HTR3B: variants seen among roughly 807,000 people sequenced by gnomAD.
HTR3B encodes the protein 5-hydroxytryptamine receptor 3B, also known as 5-hydroxytryptamine (serotonin) receptor 3B, ionotropic.
HTR3B carries 44 observed loss-of-function variants against 42.8 expected under a neutral mutation model. The ratio of observed to expected loss-of-function variants is 1.03; its 90% CI spans 0.81 to 1.32. HTR3B has a LOEUF of 1.32. Among genes scored for constraint, HTR3B ranks in the 40% most tolerant of loss-of-function variants. The pLI is 0.00. For missense variants in HTR3B, 527 were observed against 536.5 expected (o/e 0.98, Z 0.17); for synonymous variants, 203 against 209.0 (o/e 0.97, Z 0.25).
At chr11:113,933,188 C>A in intron 6 of HTR3B, 95 bp downstream of exon 6, 1 of 1,205,392 alleles carries the variant, frequency 8.3e-7, no homozygotes, top group Non-Finnish European at 1.2e-6. Context: ...TGCATGTTCT[C>A]ATTCATTATC....
chr11:113,939,287 T>C (rs889618416), intron 6 of HTR3B, among the ~76,000 whole-genome samples: 2 of 152,242 alleles, frequency 1.3e-5, no homozygotes, highest in African/African-American at 4.8e-5. Context: ...TGCCTTCATT[T>C]ACTGTTGACA....
intron 2 of HTR3B, among the ~76,000 whole-genome samples, chr11:113,925,860 G>A (rs1004339528): frequency 6.6e-6 from 1 of 151,928 alleles, no homozygotes; most frequent in Non-Finnish European, 1.5e-5. Context: ...TTTTTAAATA[G>A]CAGGTTTTTT....
Position 113,919,887 on chromosome 11 carries a change from AT to A in HTR3B, c.213+10440del, listed in dbSNP as rs539909604. Among the ~76,000 whole-genome samples the A allele has an allele frequency of 2.0e-3, 308 of 151,786 alleles. 1 individual carries two copies. The highest frequency in any genetic ancestry group is 7.0e-3 in the African/African-American group (291 of 41,364). On this transcript the variant is annotated intron_variant, in intron 2 of 8. Coordinates refer to ENST00000260191, the MANE Select transcript of HTR3B (RefSeq NM_006028.5). ...ACAACAAAAAGAGTACAAGGTTTAA[AT>A]TTTTTTTCCTTTTTACTGATTCAGG...
chr11:113,901,248 C>A (rs7924997), upstream of HTR3B, among the ~76,000 whole-genome samples: 482 of 152,062 alleles, frequency 3.2e-3, 2 homozygotes, highest in African/African-American at 0.011. Context: ...TCAAGACCAG[C>A]CTGGGCAACA....
rs71063533 is a variant in HTR3B at position 113,913,350 on chromosome 11, A to AT, written c.213+3927dup. 6.7e-3 allele frequency among the ~76,000 whole-genome samples: 415 copies of AT among 61,522 alleles called. 15 individuals are homozygous for AT. Among genetic ancestry groups the AT allele is most frequent in the African/African-American group, 0.012 (172 of 13,944 alleles). 40.4% of individuals were successfully genotyped at this position (61,522 alleles called of 152,430 possible). On this transcript the variant is annotated intron_variant, in intron 2 of 8. Transcript: ENST00000260191. ...AGGTGCCTGCCACCATGTCTGGCTA[A>AT]TTTTTTTTTTTTTTTTTTTTTTTTT...
chr11:113,908,902 A>G (rs975775232), intron 1 of HTR3B: 13 of 244,962 alleles, frequency 5.3e-5, no homozygotes, highest in Middle Eastern at 1.2e-3. Flanking sequence ...TGAAAAATCA[A>G]AAGAAAAACC....
At chr11:113,940,789 C>T (rs924261667) in intron 6 of HTR3B, among the ~76,000 whole-genome samples, 16 of 152,236 alleles carry the variant, frequency 1.1e-4, no homozygotes, top group African/African-American at 3.4e-4. Context: ...CCGGCACCTC[C>T]TGCTCCATCA....
intron 2 of HTR3B, among the ~76,000 whole-genome samples, chr11:113,916,710 A>G (rs1391051472): frequency 6.6e-6 from 1 of 152,060 alleles, no homozygotes; most frequent in African/African-American, 2.4e-5. Context: ...TTAGTTCTTT[A>G]ATTTCTTTTA....
At chr11:113,908,915 C>T (rs902917789) in intron 1 of HTR3B, 13 of 270,546 alleles carry the variant, frequency 4.8e-5, no homozygotes, top group African/African-American at 2.4e-4. Context: ...GAAAAACCAA[C>T]GCGGGAGTTA....
intron 8 of HTR3B, among the ~76,000 whole-genome samples, chr11:113,945,419 G>A (rs1950169129): frequency 6.6e-6 from 1 of 152,224 alleles, no homozygotes; most frequent in African/African-American, 2.4e-5. Flanking sequence ...ACAGGTGTGA[G>A]CCTACCGCAC....
At chr11:113,923,301 C>T (rs1949933973) in intron 2 of HTR3B, among the ~76,000 whole-genome samples, 1 of 152,208 alleles carries the variant, frequency 6.6e-6, no homozygotes, top group African/African-American at 2.4e-5. Context: ...AGCCCAGCAC[C>T]TCGCCTCCAT....
upstream of HTR3B, among the ~76,000 whole-genome samples, chr11:113,901,579 A>G (rs898367573): frequency 6.6e-6 from 1 of 152,376 alleles, no homozygotes; most frequent in Non-Finnish European, 1.5e-5. Context: ...AGCATTGTAT[A>G]TAAACTACTT....
upstream of HTR3B, among the ~76,000 whole-genome samples, chr11:113,902,224 C>T (rs1055673552): frequency 6.6e-6 from 1 of 152,136 alleles, no homozygotes; most frequent in Admixed American, 6.6e-5. Context: ...CAAAGAATTC[C>T]CCTAGACCCC....
chr11:113,924,901 C>T (rs1949954062), intron 2 of HTR3B, among the ~76,000 whole-genome samples: 2 of 152,174 alleles, frequency 1.3e-5, no homozygotes, highest in African/African-American at 4.8e-5. Context: ...TGTTGAACCA[C>T]TAAAGCAGGG....
intron 6 of HTR3B, among the ~76,000 whole-genome samples, chr11:113,937,276 A>G (rs1950099198): frequency 6.6e-6 from 1 of 152,196 alleles, no homozygotes. Context: ...TGACCTCAAG[A>G]GGATAGCCTC....
intron 6 of HTR3B, among the ~76,000 whole-genome samples, chr11:113,942,520 A>G (rs2137537780): frequency 6.6e-6 from 1 of 152,382 alleles, no homozygotes; most frequent in South Asian, 2.1e-4. Context: ...GGAAGATTTT[A>G]GTTTCAAAAC....
intron 2 of HTR3B, among the ~76,000 whole-genome samples, chr11:113,912,817 G>T (rs970022820): frequency 3.3e-5 from 5 of 151,586 alleles, no homozygotes; most frequent in African/African-American, 1.2e-4. Context: ...TCTTTTTCAT[G>T]TGCTTATTGG....
chr11:113,943,407 C>T (rs1950152398), intron 7 of HTR3B, among the ~76,000 whole-genome samples: 1 of 152,184 alleles, frequency 6.6e-6, no homozygotes, highest in Non-Finnish European at 1.5e-5. Context: ...AGTGCATACT[C>T]ACTACAACCT....
In HTR3B at chr11:113,947,229, G is replaced by A. The variant is rs45537240; in HGVS notation, c.*1092G>A. Among the ~76,000 whole-genome samples, 6,203 of 151,714 alleles carry A rather than the reference G, an allele frequency of 0.041. 168 individuals are homozygous for A. The highest frequency in any genetic ancestry group is 0.065 in the Middle Eastern group (19 of 292). On this transcript the variant is annotated 3_prime_UTR_variant, in exon 9 of 9. Coordinates refer to ENST00000260191, the MANE Select transcript of HTR3B (RefSeq NM_006028.5). ...AGCAATTCCCCTGCCTCAGCCTCCC[G>A]AGTAGCTGGAACTACAGGTGCATGC...
Sources: allele counts gnomAD v4.1 joint callset (sites outside exome capture counted in the v4.1 genomes callset), GRCh38; gene constraint gnomAD v4.1.1; transcripts MANE v1.5; gene names NCBI Gene and HGNC (gene_info 2026-07-23, HGNC 2026-07-21).